PTK2: variants seen among roughly 807,000 people sequenced by gnomAD.
PTK2 encodes focal adhesion kinase 1.
A neutral mutation model predicts 150.1 loss-of-function variants in PTK2; 45 were observed. That is an observed-to-expected ratio of 0.30 (90% confidence interval 0.24 to 0.38). PTK2 has a LOEUF of 0.38. Among genes scored for constraint, PTK2 ranks in the 10% least tolerant of loss-of-function variants. The pLI, the probability that PTK2 is intolerant of heterozygous loss-of-function variation, is 1.00. For missense variants in PTK2, 919 were observed against 1,307.3 expected (o/e 0.70, Z 4.58); for synonymous variants, 432 against 449.2 (o/e 0.96, Z 0.48).
chr8:140,719,013 T>G (rs1165756789), intron 22 of PTK2, among the ~76,000 whole-genome samples: 1 of 151,964 alleles, frequency 6.6e-6, no homozygotes, highest in Non-Finnish European at 1.5e-5. Flanking sequence ...CCACCTCTAC[T>G]AAAAATACAA....
chr8:140,893,338 G>A (rs2100154866), intron 2 of PTK2, among the ~76,000 whole-genome samples: 1 of 152,120 alleles, frequency 6.6e-6, no homozygotes, highest in Admixed American at 6.6e-5. Context: ...CCTCACATGT[G>A]AATGGTCACA....
intron 20 of PTK2, among the ~76,000 whole-genome samples, chr8:140,740,111 ACAAAGGCAAACCACT>A (rs773398095): frequency 4.6e-5 from 7 of 152,216 alleles, no homozygotes; most frequent in African/African-American, 9.6e-5. Flanking sequence ...TCTTTGTGCC[ACAAAGGCAAACCACT>A]CAAAACCTTA....
In PTK2 at chr8:140,833,966, G is replaced by A. The variant is rs190441029; in HGVS notation, c.594-3440C>T. On this transcript the variant is annotated intron_variant, in intron 7 of 31. Coordinates refer to ENST00000522684, the Ensembl canonical transcript of PTK2. ...GAACTGTGTTGTCCAATATACAACC[G>A]CTAGTGATATGTAGCTATTTATACT... 2.5e-3 allele frequency among the ~76,000 whole-genome samples: 379 copies of A among 152,222 alleles called. 2 individuals carry two copies. The highest frequency in any genetic ancestry group is 3.8e-3 in the Non-Finnish European group (259 of 68,006).
chr8:140,778,064 G>C (rs1356535154), intron 14 of PTK2, among the ~76,000 whole-genome samples: 2 of 152,114 alleles, frequency 1.3e-5, no homozygotes, highest in Non-Finnish European at 2.9e-5. Flanking sequence ...GGCAAAACCT[G>C]TTGCCACAAT....
intron 27 of PTK2, among the ~76,000 whole-genome samples, chr8:140,684,257 C>A (rs1444925935): frequency 1.3e-5 from 2 of 152,222 alleles, no homozygotes; most frequent in African/African-American, 4.8e-5. Context: ...ACTGTCCCAT[C>A]TCAGATCATC....
chr8:140,862,348 T>C (rs2100136694), intron 5 of PTK2, among the ~76,000 whole-genome samples: 1 of 152,140 alleles, frequency 6.6e-6, no homozygotes, highest in Admixed American at 6.5e-5. Flanking sequence ...TTCGCCAAAA[T>C]ATGAAGTTCA....
Position 140,975,623 on chromosome 8 carries a change from GA to G in PTK2, c.-122+25501del, listed in dbSNP as rs1460544374. Reference sequence around the variant, plus strand: ...AGGAGAGGGGGGAGGGGGAAGAAAGGAAGAAAAAATTAGAGGAAATGCGATA... The same window carrying G: ...AGGAGAGGGGGGAGGGGGAAGAAAGGAGAAAAAATTAGAGGAAATGCGATA... On this transcript the variant is annotated intron_variant, in intron 1 of 31. Coordinates refer to ENST00000522684, the Ensembl canonical transcript of PTK2. 2.0e-5 allele frequency among the ~76,000 whole-genome samples: 3 copies of G among 152,206 alleles called. No homozygotes were observed. The East Asian group carries it at 5.8e-4, about 29-fold the overall frequency.
intron 1 of PTK2, among the ~76,000 whole-genome samples, chr8:140,937,784 T>C (rs2100174196): frequency 6.6e-6 from 1 of 152,118 alleles, no homozygotes; most frequent in African/African-American, 2.4e-5. Context: ...AATCTTTCCA[T>C]ATAGAATATG....
chr8:140,937,362 T>C (rs944260433), intron 1 of PTK2, among the ~76,000 whole-genome samples: 1 of 152,094 alleles, frequency 6.6e-6, no homozygotes, highest in African/African-American at 2.4e-5. Flanking sequence ...GAAAATAAAG[T>C]TATGCCATGA....
At chr8:140,809,055 A>G (rs2100099877) in intron 10 of PTK2, among the ~76,000 whole-genome samples, 1 of 152,160 alleles carries the variant, frequency 6.6e-6, no homozygotes, top group African/African-American at 2.4e-5. Context: ...TCAAATGAGT[A>G]TACAGAAATA....
chr8:140,797,757 CA>C (rs1721376125), intron 12 of PTK2, among the ~76,000 whole-genome samples: 1 of 152,104 alleles, frequency 6.6e-6, no homozygotes, highest in African/African-American at 2.4e-5. Flanking sequence ...GAATGCAGTC[CA>C]GGACAATTTG....
chr8:140,865,588 T>C (rs1353938074), intron 4 of PTK2, among the ~76,000 whole-genome samples: 1 of 152,228 alleles, frequency 6.6e-6, no homozygotes, highest in African/African-American at 2.4e-5. Context: ...ATACGCAAGT[T>C]CTGCTAAGAC....
intron 18 of PTK2, among the ~76,000 whole-genome samples, chr8:140,746,161 G>A (rs1481019779): frequency 7.9e-5 from 12 of 152,044 alleles, no homozygotes; most frequent in African/African-American, 2.2e-4. Flanking sequence ...GTGAAACCCC[G>A]TCTCTATAAA....
Position 140,834,829 on chromosome 8 carries a change from A to G in PTK2, c.594-4303T>C, listed in dbSNP as rs1389424314. On this transcript the variant is annotated intron_variant, in intron 7 of 31. Transcript: ENST00000522684. ...CCTCTATCCTTTAAGTGAAAGATTT[A>G]GAACACTGCTGACTGATATGGTCTT... is the stretch of plus-strand genomic sequence containing the variant. Among the ~76,000 whole-genome samples, 4 of 152,260 alleles carry G rather than the reference A, an allele frequency of 2.6e-5. No homozygotes were observed. In the East Asian group the frequency reaches 7.7e-4, roughly 29 times the overall value.
At position 140,714,796 on chromosome 8, in the gene PTK2, C is replaced by CAAAAAAAA. The variant is rs398010102; in HGVS notation, c.2142+2794_2142+2801dup. Among the ~76,000 whole-genome samples the CAAAAAAAA allele has an allele frequency of 5.7e-3, 265 of 46,792 alleles. 38 individuals carry two copies. Among genetic ancestry groups the CAAAAAAAA allele is most frequent in the South Asian group, 7.6e-3 (5 of 656 alleles). 30.7% of individuals were successfully genotyped at this position (46,792 alleles called of 152,430 possible). A position where few individuals can be genotyped will look rare whatever the true frequency, so the allele number is the denominator to read the frequency against. On this transcript the variant is annotated intron_variant, in intron 23 of 31. Coordinates refer to ENST00000522684, the Ensembl canonical transcript of PTK2. The stretch of plus-strand genomic sequence containing the variant: ...CGGGCAATAGAGCAAGGCTCTGTCT[C>CAAAAAAAA]AAAAAAAAAAAAAAAAAAAAAAAAA...
rs78568910 is a variant in PTK2 at position 140,659,954 on chromosome 8, G to T, written c.2947-276C>A. Among the ~76,000 whole-genome samples the T allele has an allele frequency of 8.7e-3, 1,320 of 152,166 alleles. 15 individuals carry two copies. Among genetic ancestry groups the T allele is most frequent in the African/African-American group, 0.031 (1,270 of 41,520 alleles). On this transcript the variant is annotated intron_variant, in intron 31 of 31. Transcript: ENST00000522684. ...AAATAAATCTTCCTTAGGAGCAATA[G>T]GATGTAAAAATCAATCTTTAAATTT... is the stretch of plus-strand genomic sequence containing the variant.
At chr8:140,827,262 C>CT (rs1272583328) in intron 8 of PTK2, among the ~76,000 whole-genome samples, 1 of 152,114 alleles carries the variant, frequency 6.6e-6, no homozygotes, top group Non-Finnish European at 1.5e-5. Context: ...CCAAAACCCC[C>CT]TTTCCTGTCT....
chr8:140,978,174 A>C (rs952767866), intron 1 of PTK2, among the ~76,000 whole-genome samples: 17 of 152,242 alleles, frequency 1.1e-4, no homozygotes, highest in Non-Finnish European at 2.1e-4. Flanking sequence ...AAACCTAGGC[A>C]ATACCATTCA....
intron 12 of PTK2, chr8:140,799,182 T>A (rs908543413): frequency 2.6e-5 from 4 of 152,352 alleles, no homozygotes; most frequent in African/African-American, 9.6e-5. Flanking sequence ...AAGGGTCCAA[T>A]GACTCCTCTC....
Sources: gnomAD v4.1 joint callset for allele counts (sites outside exome capture counted in the v4.1 genomes callset) on GRCh38, gnomAD v4.1.1 for gene constraint, MANE v1.5 for transcripts, NCBI Gene and HGNC (gene_info 2026-07-23, HGNC 2026-07-21) for gene names.